Variants in SUSD6 observed in about 807,000 individuals in gnomAD.
The protein encoded by SUSD6 is sushi domain-containing protein 6.
A neutral mutation model predicts 28.4 loss-of-function variants in SUSD6; 16 were observed. That is an observed-to-expected ratio of 0.56 (90% CI 0.38 to 0.86). The LOEUF (loss-of-function observed/expected upper bound fraction) is 0.86. Among genes scored for constraint, SUSD6 ranks in the 40% least tolerant of loss-of-function variants. SUSD6 has a pLI of 0.00. For missense variants in SUSD6, 341 were observed against 384.2 expected, an observed-to-expected ratio of 0.89 and a Z score of 0.94; for synonymous variants, 147 against 159.6, an observed-to-expected ratio of 0.92 and a Z score of 0.59.
At chr14:69,692,739 C>G (rs911081454) in intron 2 of SUSD6, among the ~76,000 whole-genome samples, 2 of 152,138 alleles carry the variant, frequency 1.3e-5, no homozygotes, top group African/African-American at 4.8e-5. Flanking sequence ...AATGAAACCA[C>G]AATTTTGGCC....
intron 1 of SUSD6, among the ~76,000 whole-genome samples, chr14:69,621,616 G>T (rs1451573905): frequency 1.3e-5 from 2 of 152,194 alleles, no homozygotes; most frequent in African/African-American, 4.8e-5. Flanking sequence ...AAAGCCTTGG[G>T]AGGCATCATT....
At chr14:69,652,315 C>T (rs997627000) in intron 1 of SUSD6, among the ~76,000 whole-genome samples, 5 of 152,056 alleles carry the variant, frequency 3.3e-5, no homozygotes, top group Admixed American at 1.3e-4. Flanking sequence ...GTCATGGTGG[C>T]GTGCGCCTGT....
intron 2 of SUSD6, among the ~76,000 whole-genome samples, chr14:69,692,324 G>A (rs1886165148): frequency 6.6e-6 from 1 of 152,120 alleles, no homozygotes; most frequent in Non-Finnish European, 1.5e-5. Context: ...CCACCCCTAT[G>A]TTATACTTTG....
intron 1 of SUSD6, among the ~76,000 whole-genome samples, chr14:69,619,851 C>T (rs1595029244): frequency 6.6e-6 from 1 of 152,178 alleles, no homozygotes; most frequent in African/African-American, 2.4e-5. Context: ...GATCCCACAC[C>T]TACACCCCAT....
chr14:69,690,571 G>A (rs1294889653), intron 2 of SUSD6, among the ~76,000 whole-genome samples: 2 of 152,232 alleles, frequency 1.3e-5, no homozygotes, highest in Non-Finnish European at 2.9e-5. Context: ...AAGTAGTGAA[G>A]AAGAGAACTC....
At chr14:69,629,893 C>T (rs759782452) in intron 1 of SUSD6, among the ~76,000 whole-genome samples, 2 of 152,166 alleles carry the variant, frequency 1.3e-5, no homozygotes, top group Non-Finnish European at 2.9e-5. Context: ...CTCCCACGGT[C>T]GGCGGTTGAA....
chr14:69,671,474 C>T (rs942701879), intron 2 of SUSD6, among the ~76,000 whole-genome samples: 1 of 152,166 alleles, frequency 6.6e-6, no homozygotes, highest in African/African-American at 2.4e-5. Context: ...TCAGCCAACT[C>T]GTAGGAGGCA....
intron 2 of SUSD6, among the ~76,000 whole-genome samples, chr14:69,663,692 T>A (rs573157709): frequency 6.6e-6 from 1 of 152,190 alleles, no homozygotes; most frequent in Non-Finnish European, 1.5e-5. Flanking sequence ...CAGAGACAGG[T>A]TCAATAACTT....
intron 5 of SUSD6, among the ~76,000 whole-genome samples, chr14:69,710,085 C>T (rs1308795111): frequency 6.6e-6 from 1 of 152,174 alleles, no homozygotes; most frequent in Non-Finnish European, 1.5e-5. Flanking sequence ...TCTTGGTTGG[C>T]CATTAAAATA....
intron 2 of SUSD6, among the ~76,000 whole-genome samples, chr14:69,696,301 G>A (rs1218323736): frequency 6.6e-6 from 1 of 152,216 alleles, no homozygotes; most frequent in African/African-American, 2.4e-5. Flanking sequence ...TATAGTACCT[G>A]CTTCATGTAG....
At chr14:69,640,862 C>G (rs1885341362) in intron 1 of SUSD6, among the ~76,000 whole-genome samples, 2 of 152,214 alleles carry the variant, frequency 1.3e-5, no homozygotes, top group South Asian at 4.1e-4. Flanking sequence ...ACTGGAATTA[C>G]AGTCTGTAAC....
At chr14:69,694,950 TG>T (rs1176417165) in intron 2 of SUSD6, among the ~76,000 whole-genome samples, 3 of 152,160 alleles carry the variant, frequency 2.0e-5, no homozygotes, top group Non-Finnish European at 4.4e-5. Flanking sequence ...TCCTGAGCCA[TG>T]GGTGGTTTCT....
At chr14:69,655,433 A>C (rs1566596408) in intron 1 of SUSD6, among the ~76,000 whole-genome samples, 1 of 152,150 alleles carries the variant, frequency 6.6e-6, no homozygotes, top group African/African-American at 2.4e-5. Context: ...TAGAACTGAT[A>C]AGTCAGAGTA....
In SUSD6 at chr14:69,706,374, T is replaced by C. The variant is rs1886387302; in HGVS notation, c.458+1632T>C. Among the ~76,000 whole-genome samples, 5 of 152,346 alleles carry C rather than the reference T, an allele frequency of 3.3e-5. No individual in the cohort carries two copies. The South Asian group carries it at 1.0e-3, about 32-fold the overall frequency. ...TTTCATTGTAGACCCCATTTAAATT[T>C]TGTGCTGTGTACATATATTACTTTT... is the stretch of plus-strand genomic sequence containing the variant. On this transcript the variant is annotated intron_variant, in intron 4 of 5. Coordinates refer to ENST00000342745, the MANE Select transcript of SUSD6 (RefSeq NM_014734.4).
intron 3 of SUSD6, 162 bp downstream of exon 3, chr14:69,703,754 A>G: frequency 1.5e-6 from 1 of 660,230 alleles, no homozygotes; most frequent in South Asian, 1.8e-5. Flanking sequence ...GTCTTTGTGG[A>G]AGATACTTGA....
rs536178454 is a variant in SUSD6 at position 69,627,623 on chromosome 14, C to T, written c.-81+15795C>T. ...GAGATTACAGGCGCCCACCACCACG[C>T]CTGGCTAATTTTTTGTATTTTTAGT... On this transcript the variant is annotated intron_variant, in intron 1 of 5. Coordinates refer to ENST00000342745, the MANE Select transcript of SUSD6 (RefSeq NM_014734.4). Among the ~76,000 whole-genome samples, 24 of 152,288 alleles carry T rather than the reference C, an allele frequency of 1.6e-4. No individual in the cohort carries two copies. The South Asian group carries it at 2.3e-3, about 14-fold the overall frequency.
chr14:69,684,485 AT>A lies in SUSD6; in HGVS notation c.122-18909del, dbSNP rs575370781. On this transcript the variant is annotated intron_variant, in intron 2 of 5. Coordinates refer to ENST00000342745, the MANE Select transcript of SUSD6 (RefSeq NM_014734.4). ...ATAAACATGTTATGCTTATCCCAAG[AT>A]CTATTAATTTCCAGTAGAAGTAGGG... Among the ~76,000 whole-genome samples, 15 of 152,360 alleles carry A rather than the reference AT, an allele frequency of 9.8e-5. No homozygotes were observed. The East Asian group carries it at 2.9e-3, about 29-fold the overall frequency.
intron 2 of SUSD6, among the ~76,000 whole-genome samples, chr14:69,675,203 G>A (rs570498924): frequency 1.2e-4 from 19 of 152,304 alleles, no homozygotes; most frequent in African/African-American, 4.6e-4. Context: ...GGGGGCCTCA[G>A]TTTTGCTCAC....
intron 3 of SUSD6, among the ~76,000 whole-genome samples, chr14:69,704,352 G>A (rs182954081): frequency 6.6e-6 from 1 of 152,312 alleles, no homozygotes; most frequent in Non-Finnish European, 1.5e-5. Context: ...GTGAGTTTAT[G>A]TGTCAGATGG....
Sources: allele counts gnomAD v4.1 joint callset (sites outside exome capture counted in the v4.1 genomes callset), GRCh38; gene constraint gnomAD v4.1.1; transcripts MANE v1.5; gene names NCBI Gene and HGNC (gene_info 2026-07-23, HGNC 2026-07-21).